The following GHITM variants were observed in gnomAD, a reference collection of about 807,000 sequenced individuals.
The protein encoded by GHITM is growth hormone-inducible transmembrane protein.
In GHITM, 24 loss-of-function variants were observed where a neutral mutation model predicts 38.7. The observed-to-expected ratio is 0.62, with a 90% confidence interval of 0.45 to 0.87. GHITM has a LOEUF of 0.87. GHITM is among the 40% of genes least tolerant of loss of function. The pLI is 0.00. For synonymous variants in GHITM, 154 were observed against 147.8 expected (o/e 1.04, Z -0.30); for missense variants, 420 against 429.8 (o/e 0.98, Z 0.20).
Position 84,142,579 on chromosome 10 carries a change from A to G in GHITM, c.130-76A>G. On this transcript the variant is annotated intron_variant, in intron 2 of 8. Coordinates refer to ENST00000372134, the MANE Select transcript of GHITM (RefSeq NM_014394.3). ...CTTTAACTAGAGTTTTCTAGTGTAAAGGGATCTTGCATTTTATTTTATTAA... is the reference window on the plus strand; with the variant it reads ...CTTTAACTAGAGTTTTCTAGTGTAAGGGGATCTTGCATTTTATTTTATTAA... The G allele has an allele frequency of 3.5e-6, 3 of 865,706 alleles. No individual in the cohort carries two copies. The South Asian group carries it at 5.1e-5, about 15-fold the overall frequency. 53.6% of individuals were successfully genotyped at this position (865,706 alleles called of 1,614,324 possible).
rs1171856278 is a variant in GHITM, at chr10:84,148,791, A to G, written c.545A>G (p.Tyr182Cys). 3 of 1,613,312 alleles carry G rather than the reference A, an allele frequency of 1.9e-6. No individual in the cohort carries two copies. In the East Asian group the frequency reaches 6.7e-5, roughly 36 times the overall value. ...GAGMLVRSIPYDQSPGPKHLA... is the reference protein window; with the variant it reads ...GAGMLVRSIPCDQSPGPKHLA... ...GGAATGCTGGTACGATCAATACCAT[A>G]TGACCAGAGCCCAGGCCCAAAGCAT... The change falls in exon 6 of 9, where the codon TAT becomes TGT. Residue 182 changes from tyrosine to cysteine, a missense_variant. Coordinates refer to ENST00000372134, the MANE Select transcript of GHITM (RefSeq NM_014394.3).
intron 6 of GHITM, 129 bp downstream of exon 6, chr10:84,148,967 T>C (rs941845923): frequency 6.1e-6 from 4 of 651,962 alleles, no homozygotes; most frequent in Non-Finnish European, 1.1e-5. Flanking sequence ...TCTTCAGTCA[T>C]TACTGGCTGC....
intron 6 of GHITM, among the ~76,000 whole-genome samples, chr10:84,149,810 AAGT>A (rs1464944879): frequency 6.6e-6 from 1 of 152,208 alleles, no homozygotes; most frequent in Non-Finnish European, 1.5e-5. Flanking sequence ...GTTACTAAAT[AAGT>A]AGATTAGTGT....
rs763064112 is a variant in GHITM at position 84,150,848 on chromosome 10, G to A, written c.921G>A (p.Met307Ile). 8.7e-6 allele frequency: 14 copies of A among 1,610,084 alleles called. No homozygotes were observed. The highest frequency in any genetic ancestry group is 1.1e-5 in the South Asian group (1 of 90,976). Residue 307 changes from methionine to isoleucine, a missense_variant, in exon 8 of 9, where the codon ATG becomes ATA. Physicochemically the swap from Met to Ile is conservative, Grantham distance 10 (BLOSUM62 1). Transcript: ENST00000372134. ...KVIKRAEVSP[M>I]YGVQKYDPIN... ...TCAAGCGTGCAGAAGTATCACCAAT[G>A]TATGGAGTTCAAAAATATGATCCCA...
In GHITM at chr10:84,142,689, G is replaced by C; in HGVS notation, c.164G>C (p.Arg55Pro). 1 of 1,612,852 alleles carries C rather than the reference G, an allele frequency of 6.2e-7. No individual in the cohort carries two copies. Among genetic ancestry groups the C allele is most frequent in the South Asian group, 1.1e-5 (1 of 90,976 alleles). ...YATKTRIGIRRGRTGQELKEA... is the reference protein window; with the variant it reads ...YATKTRIGIRPGRTGQELKEA... Reference sequence around the variant, plus strand: ...ACCAAAACAAGAATTGGGATCCGGCGTGGGAGAACTGGCCAAGAACTCAAA... The same window carrying C: ...ACCAAAACAAGAATTGGGATCCGGCCTGGGAGAACTGGCCAAGAACTCAAA... Residue 55 changes from arginine (R) to proline (P), a missense_variant, in exon 3 of 9, where the codon CGT becomes CCT. Physicochemically the swap from Arg to Pro is moderately radical, Grantham distance 103. Transcript: ENST00000372134.
chr10:84,148,045 A>T (rs977747130), intron 5 of GHITM, among the ~76,000 whole-genome samples: 6 of 152,100 alleles, frequency 3.9e-5, no homozygotes, highest in Admixed American at 6.5e-5. Context: ...ATACAAAAAT[A>T]TATTTTTTAA....
chr10:84,140,000 C>G (rs1224089447), intron 1 of GHITM: 1 of 152,286 alleles, frequency 6.6e-6, no homozygotes, highest in Non-Finnish European at 1.5e-5. Flanking sequence ...CCAAACTCAT[C>G]AATGCTCACG....
At chr10:84,149,918 G>A in intron 6 of GHITM, 137 bp from the exon 7 acceptor site, 1 of 580,518 alleles carries the variant, frequency 1.7e-6, no homozygotes, top group Non-Finnish European at 2.7e-6. Flanking sequence ...GGTGGGGGTA[G>A]TATTATCTAA....
In GHITM at chr10:84,152,707, A is replaced by G. The variant is rs978218857; in HGVS notation, c.*359A>G. 5.6e-6 allele frequency: 1 copy of G among 178,180 alleles called. No individual in the cohort carries two copies. The highest frequency in any genetic ancestry group is 2.4e-5 in the African/African-American group (1 of 42,274). 11.0% of individuals were successfully genotyped at this position (178,180 alleles called of 1,614,324 possible). ...AAATTTAGCAAACCTGTGTTTGCAT[A>G]TTTTTTTGGAGTGCAGAATATTGTA... On this transcript the variant is annotated 3_prime_UTR_variant, in exon 9 of 9. Coordinates refer to ENST00000372134, the MANE Select transcript of GHITM (RefSeq NM_014394.3).
chr10:84,141,906 A>G (rs1316138642), intron 2 of GHITM, among the ~76,000 whole-genome samples: 1 of 151,240 alleles, frequency 6.6e-6, no homozygotes, highest in Non-Finnish European at 1.5e-5. Context: ...TGAGAGTTAC[A>G]TAGTGTAACG....
At chr10:84,149,006 T>A (rs1445475534) in intron 6 of GHITM, among the ~76,000 whole-genome samples, 168 bp downstream of exon 6, 1 of 152,260 alleles carries the variant, frequency 6.6e-6, no homozygotes, top group East Asian at 1.9e-4. Context: ...CTTTGAAAAG[T>A]TGATTTTGCT....
Position 84,152,385 on chromosome 10 carries a change from A to G in GHITM, c.*37A>G, listed in dbSNP as rs1332524719. 4 of 1,140,234 alleles carry G rather than the reference A, an allele frequency of 3.5e-6. No homozygotes were observed. Among genetic ancestry groups the G allele is most frequent in the East Asian group, 4.7e-5 (2 of 42,534 alleles). The allele number at this position is 1,140,234 out of a possible 1,614,324, so 70.6% of individuals were successfully genotyped here. A position where few individuals can be genotyped will look rare whatever the true frequency, so the allele number is the denominator to read the frequency against. On this transcript the variant is annotated 3_prime_UTR_variant, in exon 9 of 9. Coordinates refer to ENST00000372134, the MANE Select transcript of GHITM (RefSeq NM_014394.3). ...TTCTGGCTTCTCTGCTACATCAAAT[A>G]TCTTGTTTAATGGGGCAGATATGCA... is the stretch of plus-strand genomic sequence containing the variant.
chr10:84,144,509 A>G (rs962238282), intron 4 of GHITM, among the ~76,000 whole-genome samples: 1 of 152,078 alleles, frequency 6.6e-6, no homozygotes, highest in African/African-American at 2.4e-5. Context: ...ACATGCCACC[A>G]TGCCCGGCTA....
At chr10:84,144,207 TTTTGTGTCTAGTC>T (rs1349512710) in intron 4 of GHITM, 101 bp downstream of exon 4, 7 of 726,104 alleles carry the variant, frequency 9.6e-6, no homozygotes, top group Non-Finnish European at 1.7e-5. Flanking sequence ...CTTTGGAATG[TTTTGTGTCTAGTC>T]TTTGTGTATA....
chr10:84,139,888 C>T (rs1170183832), intron 1 of GHITM: 2 of 152,658 alleles, frequency 1.3e-5, no homozygotes, highest in African/African-American at 2.4e-5. Flanking sequence ...GGTAGCGGCA[C>T]CTGGGGCAGG....
At chr10:84,142,787 T>A in intron 3 of GHITM, 33 bp downstream of exon 3, 1 of 1,158,852 alleles carries the variant, frequency 8.6e-7, no homozygotes, top group Non-Finnish European at 1.3e-6. Flanking sequence ...TAACCTAGAA[T>A]CTATGGATAT....
Position 84,143,984 on chromosome 10 carries a change from G to C in GHITM, c.230-11G>C, listed in dbSNP as rs1263812825. Reference sequence around the variant, plus strand: ...CCAGTACTAACCTGCATTTCCTTCTGTGTTCTGCAGTTGATCAGATGGGAA... The same window carrying C: ...CCAGTACTAACCTGCATTTCCTTCTCTGTTCTGCAGTTGATCAGATGGGAA... On this transcript the variant is annotated splice_polypyrimidine_tract_variant and intron_variant, in intron 3 of 8. Coordinates refer to ENST00000372134, the MANE Select transcript of GHITM (RefSeq NM_014394.3). 1.3e-6 allele frequency: 2 copies of C among 1,576,252 alleles called. No homozygotes were observed. The highest frequency in any genetic ancestry group is 1.7e-5 in the Admixed American group (1 of 59,966).
chr10:84,142,186 A>G (rs11200881), intron 2 of GHITM, among the ~76,000 whole-genome samples: 39,240 of 152,142 alleles, frequency 0.26, 5,934 homozygotes, highest in Non-Finnish European at 0.35. Context: ...AAGAGCCACA[A>G]TGGAAGTAGT....
At position 84,142,195 on chromosome 10, in the gene GHITM, G is replaced by A. The variant is rs150002059; in HGVS notation, c.130-460G>A. Among the ~76,000 whole-genome samples the A allele has an allele frequency of 3.5e-4, 53 of 152,332 alleles. No homozygotes were observed. In the East Asian group the frequency reaches 9.8e-3, roughly 28 times the overall value. On this transcript the variant is annotated intron_variant, in intron 2 of 8. Coordinates refer to ENST00000372134, the MANE Select transcript of GHITM (RefSeq NM_014394.3). ...TTGAAAAAGAGCCACAATGGAAGTA[G>A]TAGTCTTCCCTCTTCTTGGCTTCAT...
Sources: allele counts gnomAD v4.1 joint callset (sites outside exome capture counted in the v4.1 genomes callset), GRCh38; gene constraint gnomAD v4.1.1; transcripts MANE v1.5; gene names NCBI Gene and HGNC (gene_info 2026-07-23, HGNC 2026-07-21).